The following NCOA3 variants were observed in gnomAD, a reference collection of about 807,000 sequenced individuals.
NCOA3 encodes nuclear receptor coactivator 3.
In NCOA3, 51 loss-of-function variants were observed where a neutral mutation model predicts 158.8. The ratio of observed to expected loss-of-function variants is 0.32; its 90% CI spans 0.26 to 0.41. The LOEUF is 0.41. Among genes scored for constraint, NCOA3 ranks in the 10% least tolerant of loss-of-function variants. The pLI is 1.00. For missense variants in NCOA3, 1,510 were observed against 1,746.6 expected, an observed-to-expected ratio of 0.86 and a Z score of 2.41; for synonymous variants, 537 against 592.4, an observed-to-expected ratio of 0.91 and a Z score of 1.36.
chr20:47,589,084 G>A (rs2085583829), intron 2 of NCOA3, among the ~76,000 whole-genome samples: 1 of 151,862 alleles, frequency 6.6e-6, no homozygotes, highest in Non-Finnish European at 1.5e-5. Flanking sequence ...GTAGAGACAG[G>A]TTTTCACCAT....
chr20:47,568,055 G>A (rs891035756), intron 1 of NCOA3, among the ~76,000 whole-genome samples: 1 of 152,140 alleles, frequency 6.6e-6, no homozygotes, highest in Non-Finnish European at 1.5e-5. Context: ...AAGACATACA[G>A]GCCACTATTT....
intron 1 of NCOA3, among the ~76,000 whole-genome samples, chr20:47,545,722 A>AT (rs1213383882): frequency 6.8e-6 from 1 of 147,746 alleles, no homozygotes; most frequent in Non-Finnish European, 1.5e-5. Context: ...CATCTTTGTG[A>AT]TATATATATG....
intron 1 of NCOA3, among the ~76,000 whole-genome samples, chr20:47,557,168 T>C (rs2085020228): frequency 6.6e-6 from 1 of 152,230 alleles, no homozygotes; most frequent in Non-Finnish European, 1.5e-5. Context: ...GGTCTGTGGA[T>C]GTCCAAGGGA....
At chr20:47,625,592 AT>A (rs905294143) in intron 5 of NCOA3, 111 bp downstream of exon 5, 1 of 751,578 alleles carries the variant, frequency 1.3e-6, no homozygotes, top group East Asian at 2.7e-5. Flanking sequence ...AAAAGAAAAC[AT>A]TTTTTTCTTT....
intron 1 of NCOA3, among the ~76,000 whole-genome samples, chr20:47,549,914 A>G (rs767930255): frequency 6.6e-6 from 1 of 152,070 alleles, no homozygotes; most frequent in Non-Finnish European, 1.5e-5. Context: ...CATGTTGCTT[A>G]GGCTGGTCTC....
intron 1 of NCOA3, among the ~76,000 whole-genome samples, chr20:47,535,424 A>G (rs946878282): frequency 6.6e-6 from 1 of 152,190 alleles, no homozygotes; most frequent in African/African-American, 2.4e-5. Flanking sequence ...TCGCAAGGAT[A>G]GAGGGCTCTC....
At chr20:47,594,136 A>G (rs1394245194) in intron 2 of NCOA3, among the ~76,000 whole-genome samples, 3 of 152,198 alleles carry the variant, frequency 2.0e-5, no homozygotes, top group Non-Finnish European at 4.4e-5. Context: ...CACCTCTCAT[A>G]TTTAAAGCCA....
At chr20:47,608,949 C>T (rs1432366365) in intron 2 of NCOA3, among the ~76,000 whole-genome samples, 1 of 152,136 alleles carries the variant, frequency 6.6e-6, no homozygotes, top group Non-Finnish European at 1.5e-5. Context: ...TGGCCAATTT[C>T]AGGGGCATTT....
chr20:47,509,988 C>T (rs2084090768), intron 1 of NCOA3, among the ~76,000 whole-genome samples: 1 of 152,144 alleles, frequency 6.6e-6, no homozygotes, highest in Admixed American at 6.6e-5. Flanking sequence ...GAAGAAACTC[C>T]ACCAGTGAGA....
rs1171953899 is a variant in NCOA3, at chr20:47,655,241, T to TTAA, written c.*1826_*1828dup. 6.6e-6 allele frequency: 1 copy of TTAA among 152,180 alleles called. No homozygotes were observed. The highest frequency in any genetic ancestry group is 2.4e-5 in the African/African-American group (1 of 41,438). The allele number at this position is 152,180 out of a possible 1,614,324, so 9.4% of individuals were successfully genotyped here. ...GTTGGGAGGAAGGGAAAAATCAAGT[T>TTAA]TAATTCCCTTTATCTGGGTTAATTC... On this transcript the variant is annotated 3_prime_UTR_variant, in exon 23 of 23. Transcript: ENST00000371998.
intron 1 of NCOA3, among the ~76,000 whole-genome samples, chr20:47,527,553 A>G (rs566364596): frequency 4.6e-4 from 70 of 152,310 alleles, no homozygotes; most frequent in Admixed American, 9.2e-4. Context: ...AACATTTCTT[A>G]GCTATTATGA....
At chr20:47,581,263 A>T (rs539483062) in intron 1 of NCOA3, among the ~76,000 whole-genome samples, 5 of 152,306 alleles carry the variant, frequency 3.3e-5, no homozygotes, top group African/African-American at 1.2e-4. Context: ...GCAAATATTT[A>T]AGAAATCTGA....
At chr20:47,588,217 C>T (rs1004034785) in intron 2 of NCOA3, among the ~76,000 whole-genome samples, 6 of 143,964 alleles carry the variant, frequency 4.2e-5, no homozygotes, top group Non-Finnish European at 7.5e-5. Flanking sequence ...TCACTGCAAC[C>T]TCTGCCTTCT....
In NCOA3 at chr20:47,653,070, C is replaced by T. The variant is rs199588007; in HGVS notation, c.4261C>T (p.Gln1421Ter). The part of the protein sequence containing the change: ...PMSGMPMGPD[Q>*]KYC ...GTCTGGCATGCCTATGGGTCCTGAT[C>T]AGGTATGGGATCGATTCCTTACCTT... The change falls in exon 22 of 23, where the codon CAG becomes TAG. Residue 1421 changes from glutamine to a stop codon, truncating the protein, a stop_gained and splice_region_variant. Coordinates refer to ENST00000371998, the MANE Select transcript of NCOA3 (RefSeq NM_181659.3). LOFTEE classifies it high-confidence loss of function. 4 of 1,614,202 alleles carry T rather than the reference C, an allele frequency of 2.5e-6. No homozygotes were observed. The highest frequency in any genetic ancestry group is 4.5e-5 in the East Asian group (2 of 44,888).
chr20:47,591,787 A>G (rs985095070), intron 2 of NCOA3, among the ~76,000 whole-genome samples: 1 of 148,418 alleles, frequency 6.7e-6, no homozygotes, highest in Non-Finnish European at 1.5e-5. Flanking sequence ...TGTTCTCAGT[A>G]TGTGTGGTCT....
Position 47,637,778 on chromosome 20 carries a change from C to T in NCOA3, c.2507C>T (p.Ser836Phe). The T allele has an allele frequency of 1.9e-6, 3 of 1,587,348 alleles. No individual in the cohort carries two copies. The highest frequency in any genetic ancestry group is 2.3e-5 in the East Asian group (1 of 44,296). ...CAACAGGTGTTTCAAGGAACTAATTCTCTGGGTAAGAATGAACTAGGTTTT... is the reference window on the plus strand; with the variant it reads ...CAACAGGTGTTTCAAGGAACTAATTTTCTGGGTAAGAATGAACTAGGTTTT... ...TKQQVFQGTNSLGLKSSQSVQ... is the reference protein window; with the variant it reads ...TKQQVFQGTNFLGLKSSQSVQ... Residue 836 changes from serine to phenylalanine, a missense_variant, in exon 13 of 23, where the codon TCT becomes TTT. Physicochemically the swap from Ser to Phe is radical, Grantham distance 155. This residue lies in a region of NCOA3 where 1,017 missense variants were observed against 1,098.3 expected (regional missense o/e 0.93). Transcript: ENST00000371998.
chr20:47,553,265 C>CT (rs1416495451), intron 1 of NCOA3, among the ~76,000 whole-genome samples: 4 of 152,112 alleles, frequency 2.6e-5, no homozygotes, highest in Admixed American at 6.6e-5. Flanking sequence ...TAATTAGAAT[C>CT]TAACTAGTTC....
chr20:47,635,470 G>C lies in NCOA3; in HGVS notation c.1261G>C (p.Asp421His), dbSNP rs908440565. The part of the protein sequence containing the change: ...MPSSRAYGLA[D>H]PSTTGQMSGA... ...GAGCAGCAGGGCCTATGGCTTGGCA[G>C]ACCCTAGCACCACAGGGCAGATGAG... is the stretch of plus-strand genomic sequence containing the variant. Residue 421 changes from aspartate to histidine, a missense_variant, in exon 11 of 23, where the codon GAC (aspartate) becomes CAC (histidine). Physicochemically the swap from Asp to His is moderately conservative, Grantham distance 81 (BLOSUM62 -1). Around this residue, in one of 4 missense-constraint regions of NCOA3, gnomAD observed 1,017 missense variants for 1,098.3 expected, o/e 0.93. Transcript: ENST00000371998. 1 of 1,614,114 alleles carries C rather than the reference G, an allele frequency of 6.2e-7. No individual in the cohort carries two copies. The highest frequency in any genetic ancestry group is 1.3e-5 in the African/African-American group (1 of 75,042).
intron 2 of NCOA3, among the ~76,000 whole-genome samples, chr20:47,588,751 G>A (rs1465041737): frequency 2.0e-5 from 3 of 151,832 alleles, no homozygotes; most frequent in Non-Finnish European, 4.4e-5. Flanking sequence ...ACAAAAGATA[G>A]CGTACTATAT....
Sources: allele counts gnomAD v4.1 joint callset (sites outside exome capture counted in the v4.1 genomes callset), GRCh38; gene constraint gnomAD v4.1.1; regional missense constraint gnomAD v4.1.1; transcripts MANE v1.5; gene names NCBI Gene and HGNC (gene_info 2026-07-23, HGNC 2026-07-21).